The following GPHN variants were observed in gnomAD, a reference collection of about 807,000 sequenced individuals.
The protein encoded by GPHN is gephyrin.
Under a neutral mutation model 95.5 loss-of-function variants are expected in GPHN, and 17 were observed. The observed-to-expected ratio is 0.18, with a 90% confidence interval of 0.12 to 0.27. The LOEUF is 0.27. Ranked by LOEUF, GPHN falls within the 10% of genes least tolerant of loss-of-function variation. The probability of loss-of-function intolerance (pLI) is 1.00; values close to 1 mark genes in which losing one functional copy is unlikely to be tolerated. For synonymous variants in GPHN, 320 were observed against 322.5 expected, an observed-to-expected ratio of 0.99 and a Z score of 0.08; for missense variants, 660 against 978.1, an observed-to-expected ratio of 0.67 and a Z score of 4.34.
chr14:67,492,962 C>T, the GPHN span, among the ~76,000 whole-genome samples: 1 of 152,046 alleles, frequency 6.6e-6, no homozygotes, highest in Non-Finnish European at 1.5e-5. Flanking sequence ...ATGGGGAAGG[C>T]CAGGTGGGGG....
rs867594317 is a variant in GPHN at position 66,629,153 on chromosome 14, A to T, written c.65-51954A>T. On this transcript the variant is annotated intron_variant, in intron 1 of 22. Coordinates refer to ENST00000478722, the MANE Select transcript of GPHN (RefSeq NM_020806.5). Reference sequence around the variant, plus strand: ...TATAAATATATATTTATATACATATATAAATATGTATATAAATATATATAT... The same window carrying T: ...TATAAATATATATTTATATACATATTTAAATATGTATATAAATATATATAT... Among the ~76,000 whole-genome samples, 41 of 111,390 alleles carry T rather than the reference A, an allele frequency of 3.7e-4. 1 individual carries two copies. The highest frequency in any genetic ancestry group is 7.9e-4 in the Admixed American group (8 of 10,154). The allele number at this position is 111,390 out of a possible 152,430, so 73.1% of individuals were successfully genotyped here.
the GPHN span, among the ~76,000 whole-genome samples, chr14:67,604,879 CT>C: frequency 1.3e-5 from 2 of 152,264 alleles, no homozygotes; most frequent in East Asian, 1.9e-4. Context: ...CCCTTCCCCC[CT>C]AATTGAGATA....
At chr14:66,698,195 A>G (rs1198414028) in intron 2 of GPHN, among the ~76,000 whole-genome samples, 1 of 152,170 alleles carries the variant, frequency 6.6e-6, no homozygotes, top group Admixed American at 6.5e-5. Context: ...CATTTTGAAA[A>G]GGGATATGAT....
At chr14:67,089,418 A>T (rs889258104) in intron 12 of GPHN, among the ~76,000 whole-genome samples, 1 of 152,136 alleles carries the variant, frequency 6.6e-6, no homozygotes, top group South Asian at 2.1e-4. Flanking sequence ...CATACAATGC[A>T]TAATAATCAC....
chr14:67,283,289 T>G, the GPHN span, among the ~76,000 whole-genome samples: 1 of 152,206 alleles, frequency 6.6e-6, no homozygotes, highest in Admixed American at 6.5e-5. Flanking sequence ...TCTCTGGATA[T>G]TCAAACTATT....
At chr14:66,773,175 A>G (rs962697451) in intron 2 of GPHN, among the ~76,000 whole-genome samples, 1 of 152,146 alleles carries the variant, frequency 6.6e-6, no homozygotes, top group African/African-American at 2.4e-5. Context: ...TGTCCCATGA[A>G]GTGTATGTCA....
chr14:67,700,796 G>A, the GPHN span, among the ~76,000 whole-genome samples: 5 of 151,810 alleles, frequency 3.3e-5, no homozygotes, highest in Non-Finnish European at 5.9e-5. Flanking sequence ...AGGCCGAGGC[G>A]GGTGGATCAG....
At chr14:66,546,315 C>T (rs946069589) in intron 1 of GPHN, among the ~76,000 whole-genome samples, 15 of 151,836 alleles carry the variant, frequency 9.9e-5, no homozygotes, top group Middle Eastern at 3.4e-3. Flanking sequence ...GGGCTCCTCA[C>T]GTCCCAGATG....
chr14:66,597,661 C>T lies in GPHN; in HGVS notation c.65-83446C>T, dbSNP rs112139947. ...AGCTGTGGCTGGGTGGCTGCAGCTGCACCCAGGAGGGTAGGGCTCCTGCCC... is the reference window on the plus strand; with the variant it reads ...AGCTGTGGCTGGGTGGCTGCAGCTGTACCCAGGAGGGTAGGGCTCCTGCCC... On this transcript the variant is annotated intron_variant, in intron 1 of 22. Coordinates refer to ENST00000478722, the MANE Select transcript of GPHN (RefSeq NM_020806.5). 3.6e-3 allele frequency among the ~76,000 whole-genome samples: 554 copies of T among 152,268 alleles called. 12 individuals are homozygous for T. Among genetic ancestry groups the T allele is most frequent in the African/African-American group, 0.013 (528 of 41,568 alleles).
the GPHN span, among the ~76,000 whole-genome samples, chr14:67,268,528 A>G: frequency 0.012 from 1,816 of 152,286 alleles, 37 homozygotes; most frequent in African/African-American, 0.041. Flanking sequence ...GGATTCATGA[A>G]TTTTCCGGGG....
At chr14:67,456,785 C>T in the GPHN span, among the ~76,000 whole-genome samples, 1 of 152,128 alleles carries the variant, frequency 6.6e-6, no homozygotes, top group Non-Finnish European at 1.5e-5. Context: ...GGGTTATATA[C>T]CCAAAGGCAT....
At chr14:67,180,776 C>G in intron 22 of GPHN, 28 bp from the exon 23 acceptor site, 1 of 1,609,804 alleles carries the variant, frequency 6.2e-7, no homozygotes, top group Non-Finnish European at 8.5e-7. Flanking sequence ...GATGCTTATG[C>G]TGCTGTAATA....
intron 4 of GPHN, among the ~76,000 whole-genome samples, chr14:66,871,548 T>C (rs971144437): frequency 1.2e-4 from 19 of 152,176 alleles, no homozygotes; most frequent in Non-Finnish European, 1.5e-5. Context: ...AACATAGAAG[T>C]AGTGTTTCGT....
At chr14:67,694,448 A>G in the GPHN span, among the ~76,000 whole-genome samples, 1 of 134,964 alleles carries the variant, frequency 7.4e-6, no homozygotes, top group Non-Finnish European at 1.6e-5. Flanking sequence ...ATATATATAT[A>G]TATACACACA....
At position 66,799,975 on chromosome 14, in the gene GPHN, G is replaced by T. The variant is rs2060286779; in HGVS notation, c.201+23454G>T. On this transcript the variant is annotated intron_variant, in intron 3 of 22. Transcript: ENST00000478722. ...TTTTCTCTCCATTGTATGTTTTTTGGTTTGATATTACCATGAAGCTTGCAA... is the reference window on the plus strand; with the variant it reads ...TTTTCTCTCCATTGTATGTTTTTTGTTTTGATATTACCATGAAGCTTGCAA... Among the ~76,000 whole-genome samples the T allele has an allele frequency of 1.3e-5, 2 of 151,144 alleles. 1 individual carries two copies. Among genetic ancestry groups the T allele is most frequent in the South Asian group, 4.2e-4 (2 of 4,776 alleles).
intron 1 of GPHN, among the ~76,000 whole-genome samples, chr14:66,636,786 G>A (rs115907175): frequency 1.4e-4 from 21 of 152,218 alleles, no homozygotes; most frequent in African/African-American, 5.1e-4. Flanking sequence ...TAACAAGCAG[G>A]CTGGTTTATA....
At chr14:66,526,021 G>A (rs564240655) in intron 1 of GPHN, among the ~76,000 whole-genome samples, 1 of 149,314 alleles carries the variant, frequency 6.7e-6, no homozygotes, top group South Asian at 2.2e-4. Context: ...TTTTAATTCT[G>A]TAAAGAAAGT....
intron 1 of GPHN, among the ~76,000 whole-genome samples, chr14:66,671,659 A>G (rs2066312211): frequency 6.6e-6 from 1 of 152,122 alleles, no homozygotes; most frequent in Admixed American, 6.5e-5. Context: ...GGCTTTATTA[A>G]TTATTGATTC....
At chr14:66,867,354 G>A (rs1461450846) in intron 4 of GPHN, among the ~76,000 whole-genome samples, 1 of 152,138 alleles carries the variant, frequency 6.6e-6, no homozygotes, top group Non-Finnish European at 1.5e-5. Context: ...AATAAAATCT[G>A]TAAATGAATG....
Sources: allele counts gnomAD v4.1 joint callset (sites outside exome capture counted in the v4.1 genomes callset), GRCh38; gene constraint gnomAD v4.1.1; transcripts MANE v1.5; gene names NCBI Gene and HGNC (gene_info 2026-07-23, HGNC 2026-07-21).